The following LHPP variants were observed in gnomAD, a reference collection of about 807,000 sequenced individuals.
LHPP encodes the protein hLHPP.
LHPP carries 24 observed loss-of-function variants against 30.3 expected under a neutral mutation model. The observed-to-expected ratio is 0.79, with a 90% CI of 0.57 to 1.11. The LOEUF is 1.11. Ranked by LOEUF, LHPP falls within the 50% of genes most tolerant of loss-of-function variation. The pLI, the probability that LHPP is intolerant of heterozygous loss-of-function variation, is 0.00. For missense variants in LHPP, 356 were observed against 367.2 expected (o/e 0.97, Z 0.25); for synonymous variants, 150 against 157.1 (o/e 0.95, Z 0.34).
rs1227494858 is a variant in LHPP at position 124,471,554 on chromosome 10, AT to A, written c.125+9570del. ...ATATATTTATATATATTTTATATAT[AT>A]TTATATATATATAAATTTTTTTATA... On this transcript the variant is annotated intron_variant, in intron 1 of 6. Transcript: ENST00000368842. Among the ~76,000 whole-genome samples, 41 of 53,794 alleles carry A rather than the reference AT, an allele frequency of 7.6e-4. 6 individuals carry two copies. Among genetic ancestry groups the A allele is most frequent in the Admixed American group, 6.6e-4 (2 of 3,050 alleles). 35.3% of individuals were successfully genotyped at this position (53,794 alleles called of 152,430 possible). A position where few individuals can be genotyped will look rare whatever the true frequency, so the allele number is the denominator to read the frequency against.
chr10:124,548,089 G>A (rs572513866), intron 6 of LHPP, among the ~76,000 whole-genome samples: 1 of 152,304 alleles, frequency 6.6e-6, no homozygotes, highest in East Asian at 1.9e-4. Flanking sequence ...GGAGGTAAAG[G>A]GGAGCCTTTT....
chr10:124,545,162 G>A (rs75600282), intron 6 of LHPP, among the ~76,000 whole-genome samples: 1 of 152,222 alleles, frequency 6.6e-6, no homozygotes, highest in Non-Finnish European at 1.5e-5. Flanking sequence ...TGCAGTGAAG[G>A]GGGGCTCCTG....
chr10:124,495,269 G>A (rs772717482), intron 3 of LHPP, among the ~76,000 whole-genome samples: 4 of 152,074 alleles, frequency 2.6e-5, no homozygotes, highest in Non-Finnish European at 2.9e-5. Flanking sequence ...GAGCCTCAGA[G>A]GCTGTGGAAC....
rs576135244 is a variant in LHPP at position 124,574,963 on chromosome 10, G to A, written c.717-38301G>A. On this transcript the variant is annotated intron_variant, in intron 6 of 6. Transcript: ENST00000368842. ...GCTTCTCCAGCCTCTGCCTCCTGCC[G>A]GGCCCTCCCCTGAGCTCAGAAGCTG... is the stretch of plus-strand genomic sequence containing the variant. Among the ~76,000 whole-genome samples the A allele has an allele frequency of 6.6e-5, 10 of 152,234 alleles. No individual in the cohort carries two copies. In the South Asian group the frequency reaches 1.5e-3, roughly 22 times the overall value.
intron 6 of LHPP, among the ~76,000 whole-genome samples, chr10:124,556,400 G>A (rs1048212539): frequency 7.9e-5 from 12 of 152,194 alleles, no homozygotes; most frequent in South Asian, 2.1e-4. Context: ...GCGTGTGGAC[G>A]CATCCTAAAC....
At chr10:124,547,749 C>T (rs754729512) in intron 6 of LHPP, among the ~76,000 whole-genome samples, 5 of 147,028 alleles carry the variant, frequency 3.4e-5, no homozygotes, top group Non-Finnish European at 7.4e-5. Context: ...GCGGGGCCAT[C>T]GGGCGTCCTG....
chr10:124,484,670 C>G (rs1267637177), intron 2 of LHPP, among the ~76,000 whole-genome samples: 9 of 144,160 alleles, frequency 6.2e-5, no homozygotes, highest in African/African-American at 2.3e-4. Context: ...GAGAAAGAGA[C>G]AGAGAGAGAG....
At chr10:124,547,754 G>A (rs550489738) in intron 6 of LHPP, among the ~76,000 whole-genome samples, 11 of 152,312 alleles carry the variant, frequency 7.2e-5, no homozygotes, top group South Asian at 2.1e-4. Flanking sequence ...GCCATCGGGC[G>A]TCCTGGGCCC....
chr10:124,480,383 T>G (rs1040599376), intron 1 of LHPP, among the ~76,000 whole-genome samples: 1 of 152,214 alleles, frequency 6.6e-6, no homozygotes, highest in Non-Finnish European at 1.5e-5. Context: ...GCCAGTGGCT[T>G]AAGAGTCCCA....
In LHPP at chr10:124,523,491, G is replaced by A. The variant is rs568611281; in HGVS notation, c.716+6220G>A. ...CTTGTCCTGGGTCTTCCCAGACTTCGCAGTGACGGATTTCAGAGTGTTTCC... is the reference window on the plus strand; with the variant it reads ...CTTGTCCTGGGTCTTCCCAGACTTCACAGTGACGGATTTCAGAGTGTTTCC... On this transcript the variant is annotated intron_variant, in intron 6 of 6. Coordinates refer to ENST00000368842, the MANE Select transcript of LHPP (RefSeq NM_022126.4). This position sits in a 1 kb window ranked among gnomAD's most constrained non-coding sequence, Gnocchi z 4.2. 2.0e-5 allele frequency among the ~76,000 whole-genome samples: 3 copies of A among 152,378 alleles called. No individual in the cohort carries two copies. The highest frequency in any genetic ancestry group is 2.1e-4 in the South Asian group (1 of 4,832).
chr10:124,562,087 A>G (rs996902897), intron 6 of LHPP, among the ~76,000 whole-genome samples: 1 of 152,186 alleles, frequency 6.6e-6, no homozygotes, highest in Non-Finnish European at 1.5e-5. Flanking sequence ...TCGGTGGATC[A>G]CTTGAGCCCA....
At chr10:124,484,005 C>A in intron 1 of LHPP, 134 bp from the exon 2 acceptor site, 1 of 751,494 alleles carries the variant, frequency 1.3e-6, no homozygotes, top group Non-Finnish European at 2.2e-6. Flanking sequence ...CAGCCAGGAC[C>A]CCCTCAGGGG....
At chr10:124,484,413 G>T in intron 2 of LHPP, 87 bp downstream of exon 2, 1 of 1,296,430 alleles carries the variant, frequency 7.7e-7, no homozygotes, top group Non-Finnish European at 1.1e-6. Context: ...CTTTCACTGG[G>T]CCAAACCACT....
At chr10:124,512,919 T>G (rs902304067) in intron 5 of LHPP, among the ~76,000 whole-genome samples, 1 of 152,184 alleles carries the variant, frequency 6.6e-6, no homozygotes, top group Non-Finnish European at 1.5e-5. Context: ...GACCCGTCCT[T>G]GCAGGCAGAG....
chr10:124,497,998 A>G (rs745523230), intron 4 of LHPP, 38 bp from the exon 5 acceptor site: 1 of 1,542,098 alleles, frequency 6.5e-7, no homozygotes, highest in South Asian at 1.1e-5. Flanking sequence ...CTGTTCCTTG[A>G]TCCCAAACTT....
At chr10:124,550,441 G>A (rs754380568) in intron 6 of LHPP, among the ~76,000 whole-genome samples, 17 of 152,218 alleles carry the variant, frequency 1.1e-4, no homozygotes, top group Non-Finnish European at 2.9e-5. Context: ...TTGTGGCACT[G>A]CATTCAAAGT....
intron 6 of LHPP, among the ~76,000 whole-genome samples, chr10:124,548,519 G>T (rs945893018): frequency 6.6e-6 from 1 of 152,136 alleles, no homozygotes; most frequent in Admixed American, 6.5e-5. Flanking sequence ...GTCTCAGAAC[G>T]GCAGGCTGCT....
At chr10:124,598,263 G>T (rs779333111) in intron 6 of LHPP, among the ~76,000 whole-genome samples, 1 of 152,248 alleles carries the variant, frequency 6.6e-6, no homozygotes, top group East Asian at 1.9e-4. Context: ...GGGGACACAG[G>T]CTGGGTCAGC....
rs546664927 is a variant in LHPP, at chr10:124,518,801, C to T, written c.716+1530C>T. 3.1e-3 allele frequency among the ~76,000 whole-genome samples: 478 copies of T among 152,336 alleles called. 4 individuals carry two copies. The highest frequency in any genetic ancestry group is 6.3e-3 in the Admixed American group (97 of 15,312). ...CACAGCCCACGAATGCAGGTGGGCA[C>T]GAGGGAGGCTGTGCCCACCCTACGC... is the stretch of plus-strand genomic sequence containing the variant. On this transcript the variant is annotated intron_variant, in intron 6 of 6. Coordinates refer to ENST00000368842, the MANE Select transcript of LHPP (RefSeq NM_022126.4).
Sources: gnomAD v4.1 joint callset for allele counts (sites outside exome capture counted in the v4.1 genomes callset) on GRCh38, gnomAD v4.1.1 for gene constraint, Gnocchi (gnomAD v3.1) non-coding constraint, MANE v1.5 for transcripts, NCBI Gene and HGNC (gene_info 2026-07-23, HGNC 2026-07-21) for gene names.